Variants in AFF2 observed in about 807,000 individuals in gnomAD.
AFF2 encodes AF4/FMR2 family member 2.
In AFF2, 14 loss-of-function variants were observed where a neutral mutation model predicts 76.9. The observed-to-expected ratio is 0.18, with a 90% CI of 0.12 to 0.28. The LOEUF (loss-of-function observed/expected upper bound fraction) is 0.28, where lower values mean the gene tolerates loss of function less well. Among genes scored for constraint, AFF2 ranks in the 10% least tolerant of loss-of-function variants. The probability of loss-of-function intolerance (pLI) is 1.00; values close to 1 mark genes in which losing one functional copy is unlikely to be tolerated. For missense variants in AFF2, 868 were observed against 1,001.1 expected (o/e 0.87, Z 1.79); for synonymous variants, 398 against 366.7 (o/e 1.09, Z -0.98).
At chrX:148,670,625 C>T (rs782458422) in intron 3 of AFF2, among the ~76,000 whole-genome samples, 6 of 111,518 alleles carry the variant, frequency 5.4e-5, no homozygotes, top group African/African-American at 2.0e-4. Flanking sequence ...GAACTTGGCA[C>T]GTTACTTTCC....
chrX:148,680,092 A>G lies in AFF2; in HGVS notation c.1041+17324A>G, dbSNP rs1346711733. Among the ~76,000 whole-genome samples, 3 of 112,171 alleles carry G rather than the reference A, an allele frequency of 2.7e-5. No individual in the cohort carries two copies. The Admixed American group carries it at 2.8e-4, about 11-fold the overall frequency. On this transcript the variant is annotated intron_variant, in intron 3 of 20. Coordinates refer to ENST00000370460, the MANE Select transcript of AFF2 (RefSeq NM_002025.4). Reference sequence around the variant, plus strand: ...AAAGTACACAAGCAATGTCAAGGTAAGGTTGACAGTATTCATTCATTTATT... The same window carrying G: ...AAAGTACACAAGCAATGTCAAGGTAGGGTTGACAGTATTCATTCATTTATT...
rs782519050 is a variant in AFF2 at position 148,999,154 on chromosome X, G to T, written c.*7822G>T. 2 of 111,453 alleles carry T rather than the reference G, an allele frequency of 1.8e-5. No individual in the cohort carries two copies. The highest frequency in any genetic ancestry group is 7.6e-4 in the South Asian group (2 of 2,644). The allele number at this position is 111,453 out of a possible 1,213,427, so 9.2% of individuals were successfully genotyped here. On this transcript the variant is annotated 3_prime_UTR_variant, in exon 21 of 21. Coordinates refer to ENST00000370460, the MANE Select transcript of AFF2 (RefSeq NM_002025.4). ...AATGACTCCACCTATTTTTCCAGTA[G>T]GTAAATTGACTGAGACTTGCAAAAT...
chrX:148,685,743 A>G (rs1203042407), intron 3 of AFF2, among the ~76,000 whole-genome samples: 1 of 111,448 alleles, frequency 9.0e-6, no homozygotes, highest in African/African-American at 3.3e-5. Context: ...CGTTTTCTGC[A>G]TAGCTACCTC....
rs1557260261 is a variant in AFF2, at chrX:148,685,416, G to C, written c.1041+22648G>C. Among the ~76,000 whole-genome samples the C allele has an allele frequency of 5.3e-5, 6 of 112,303 alleles. No homozygotes were observed. The South Asian group carries it at 2.2e-3, about 41-fold the overall frequency. ...TGGAGAATGCCACAGGAATATACAGGGCTATTGAAAGCATCTGCTTAGAGC... is the reference window on the plus strand; with the variant it reads ...TGGAGAATGCCACAGGAATATACAGCGCTATTGAAAGCATCTGCTTAGAGC... On this transcript the variant is annotated intron_variant, in intron 3 of 20. Transcript: ENST00000370460.
intron 4 of AFF2, among the ~76,000 whole-genome samples, chrX:148,829,684 T>C (rs889359293): frequency 8.9e-6 from 1 of 112,277 alleles, no homozygotes; most frequent in Non-Finnish European, 1.9e-5. Context: ...TCTGATTAGG[T>C]AAAGCAGTAC....
At chrX:148,715,470 C>T (rs1391895929) in intron 3 of AFF2, among the ~76,000 whole-genome samples, 3 of 110,926 alleles carry the variant, frequency 2.7e-5, no homozygotes, top group Non-Finnish European at 5.7e-5. Flanking sequence ...GTGCATGCTC[C>T]GGATGATTCC....
chrX:148,711,738 T>A (rs73638179), intron 3 of AFF2, among the ~76,000 whole-genome samples: 2,203 of 112,183 alleles, frequency 0.02, 56 homozygotes, highest in African/African-American at 0.069. Context: ...GTTCAAACCA[T>A]TGTCCTAATT....
At chrX:148,592,611 T>C (rs781815597) in intron 1 of AFF2, among the ~76,000 whole-genome samples, 14 of 112,194 alleles carry the variant, frequency 1.2e-4, no homozygotes, top group African/African-American at 4.5e-4. Flanking sequence ...TGATGACAGC[T>C]TTTATTTGCT....
chrX:148,558,923 G>A (rs1312331512), intron 1 of AFF2, among the ~76,000 whole-genome samples: 1 of 111,594 alleles, frequency 9.0e-6, no homozygotes, highest in Non-Finnish European at 1.9e-5. Flanking sequence ...GTGGCTGTGA[G>A]CGAGAAACAT....
intron 1 of AFF2, among the ~76,000 whole-genome samples, chrX:148,519,365 A>G (rs1182939962): frequency 3.6e-5 from 4 of 112,573 alleles, no homozygotes; most frequent in African/African-American, 9.7e-5. Context: ...TTCTTTGTTC[A>G]TAGCATAATG....
chrX:148,791,871 C>A (rs1557269956), intron 3 of AFF2, among the ~76,000 whole-genome samples: 2 of 111,270 alleles, frequency 1.8e-5, no homozygotes, highest in African/African-American at 6.5e-5. Flanking sequence ...ACAAATTGGG[C>A]TCATCGAACT....
chrX:148,781,109 C>T lies in AFF2; in HGVS notation c.1042-28767C>T, dbSNP rs1261895342. On this transcript the variant is annotated intron_variant, in intron 3 of 20. Transcript: ENST00000370460. ...GAACAGCAAAGATTGCTGCCCGTTC[C>T]TTCCTCTGGAAGCTTCGTCCCAGAA... Among the ~76,000 whole-genome samples, 8 of 112,133 alleles carry T rather than the reference C, an allele frequency of 7.1e-5. No individual in the cohort carries two copies. The Admixed American group carries it at 7.6e-4, about 11-fold the overall frequency.
At chrX:148,943,185 G>T (rs1400346655) in intron 9 of AFF2, among the ~76,000 whole-genome samples, 1 of 112,123 alleles carries the variant, frequency 8.9e-6, no homozygotes, top group Non-Finnish European at 1.9e-5. Flanking sequence ...TACAGTTTTT[G>T]CCATTCACTT....
chrX:148,899,469 G>A (rs1004577974), intron 8 of AFF2, among the ~76,000 whole-genome samples: 4 of 111,071 alleles, frequency 3.6e-5, no homozygotes, highest in Non-Finnish European at 7.6e-5. Context: ...GTGCCCCACA[G>A]AACAATCATG....
At chrX:148,962,992 T>C in intron 13 of AFF2, 55 bp downstream of exon 13, 1 of 853,277 alleles carries the variant, frequency 1.2e-6, no homozygotes, top group Non-Finnish European at 1.7e-6. Context: ...GTTAACCAGC[T>C]CATCTAACTT....
At chrX:148,975,943 CAA>C (rs59057839) in intron 16 of AFF2, among the ~76,000 whole-genome samples, 21 of 22,719 alleles carry the variant, frequency 9.2e-4, no homozygotes, top group Admixed American at 4.2e-3. Flanking sequence ...GACTCCGTCT[CAA>C]AAAAAAAAAA....
intron 1 of AFF2, among the ~76,000 whole-genome samples, chrX:148,592,578 T>G (rs2053533726): frequency 8.9e-6 from 1 of 111,901 alleles, no homozygotes; most frequent in African/African-American, 3.3e-5. Context: ...CAGCTGTACC[T>G]TCATGAAGTT....
intron 9 of AFF2, among the ~76,000 whole-genome samples, chrX:148,933,467 G>A (rs1299512918): frequency 9.0e-6 from 1 of 111,728 alleles, no homozygotes; most frequent in Non-Finnish European, 1.9e-5. Context: ...CTATGGGAAG[G>A]GAGCAGGGGT....
chrX:148,604,010 G>C (rs1014601785), intron 1 of AFF2, among the ~76,000 whole-genome samples: 12 of 110,769 alleles, frequency 1.1e-4, no homozygotes, highest in Non-Finnish European at 7.6e-5. Context: ...ATTTATTCCT[G>C]GGTTTTTTGG....
Sources: gnomAD v4.1 joint callset for allele counts (sites outside exome capture counted in the v4.1 genomes callset) on GRCh38, gnomAD v4.1.1 for gene constraint, MANE v1.5 for transcripts, NCBI Gene and HGNC (gene_info 2026-07-23, HGNC 2026-07-21) for gene names.